MYO1D: variants seen among roughly 807,000 people sequenced by gnomAD.
MYO1D encodes the protein myosin ID.
Under a neutral mutation model 122.0 loss-of-function variants are expected in MYO1D, and 83 were observed. The ratio of observed to expected loss-of-function variants is 0.68; its 90% CI spans 0.57 to 0.82. The LOEUF is 0.82. Among genes scored for constraint, MYO1D ranks in the 40% least tolerant of loss-of-function variants. The pLI, the probability that MYO1D is intolerant of heterozygous loss-of-function variation, is 0.00. For synonymous variants in MYO1D, 464 were observed against 446.9 expected (o/e 1.04, Z -0.48); for missense variants, 1,157 against 1,269.5 (o/e 0.91, Z 1.35).
At chr17:32,741,382 C>CA (rs920766155) in intron 13 of MYO1D, among the ~76,000 whole-genome samples, 2,484 of 137,688 alleles carry the variant, frequency 0.018, 47 homozygotes, top group African/African-American at 0.054. Flanking sequence ...TGGTTTTATC[C>CA]AAAAAAAAAA....
intron 3 of MYO1D, among the ~76,000 whole-genome samples, chr17:32,776,831 A>T (rs2151026522): frequency 6.6e-6 from 1 of 152,302 alleles, no homozygotes; most frequent in African/African-American, 2.4e-5. Flanking sequence ...CTCCCAATGG[A>T]TACATTTTAA....
intron 21 of MYO1D, among the ~76,000 whole-genome samples, chr17:32,504,351 C>T (rs916515645): frequency 2.0e-5 from 3 of 152,234 alleles, no homozygotes; most frequent in African/African-American, 4.8e-5. Context: ...TCCCTGCCCA[C>T]GTTCTCTTTG....
chr17:32,865,849 G>C (rs1436745042), intron 1 of MYO1D, among the ~76,000 whole-genome samples: 1 of 152,174 alleles, frequency 6.6e-6, no homozygotes. Context: ...AAAATATCAA[G>C]AGGAACTAGC....
intron 20 of MYO1D, among the ~76,000 whole-genome samples, chr17:32,621,283 T>C (rs937434427): frequency 6.6e-6 from 1 of 152,108 alleles, no homozygotes; most frequent in African/African-American, 2.4e-5. Flanking sequence ...AACGTTTCCT[T>C]GTCCTGAAAA....
chr17:32,668,178 C>T (rs2088662245), intron 16 of MYO1D, among the ~76,000 whole-genome samples: 1 of 152,196 alleles, frequency 6.6e-6, no homozygotes, highest in South Asian at 2.1e-4. Context: ...TCAAGACTAT[C>T]TAAACTGCAT....
intron 16 of MYO1D, among the ~76,000 whole-genome samples, chr17:32,669,297 G>C (rs1200810888): frequency 6.6e-6 from 1 of 152,158 alleles, no homozygotes; most frequent in Non-Finnish European, 1.5e-5. Flanking sequence ...CAGAGAGGAA[G>C]AGTCCACATC....
chr17:32,720,834 G>C (rs1251959008), intron 15 of MYO1D, among the ~76,000 whole-genome samples, 189 bp downstream of exon 15: 1 of 152,094 alleles, frequency 6.6e-6, no homozygotes, highest in African/African-American at 2.4e-5. Context: ...ACTTTTTCAT[G>C]GTCCATAAAC....
intron 19 of MYO1D, among the ~76,000 whole-genome samples, chr17:32,643,244 G>C (rs903806677): frequency 1.3e-5 from 2 of 152,266 alleles, no homozygotes; most frequent in African/African-American, 4.8e-5. Context: ...TGCATATGTT[G>C]AACCAGTCTT....
At chr17:32,521,060 G>A (rs1276034782) in intron 21 of MYO1D, among the ~76,000 whole-genome samples, 1 of 152,176 alleles carries the variant, frequency 6.6e-6, no homozygotes, top group Admixed American at 6.5e-5. Context: ...CAAAAGATCA[G>A]ACCTCAGTTT....
Position 32,877,055 on chromosome 17 carries a change from G to C in MYO1D, c.-183C>G. 4.2e-6 allele frequency: 1 copy of C among 235,600 alleles called. No individual in the cohort carries two copies. The highest frequency in any genetic ancestry group is 8.1e-6 in the Non-Finnish European group (1 of 124,072). 14.6% of individuals were successfully genotyped at this position (235,600 alleles called of 1,614,324 possible). A position where few individuals can be genotyped will look rare whatever the true frequency, so the allele number is the denominator to read the frequency against. ...CCTCGCTGCTCCTCGGCGCCTTCTC[G>C]GCCGGCGCGGCTCCGAACGGGACGC... On this transcript the variant is annotated 5_prime_UTR_variant, in exon 1 of 22. Transcript: ENST00000318217.
chr17:32,578,053 CAA>C (rs1026637778), intron 21 of MYO1D, among the ~76,000 whole-genome samples: 21 of 152,274 alleles, frequency 1.4e-4, no homozygotes, highest in Non-Finnish European at 1.5e-4. Context: ...AAACATATTT[CAA>C]AGAGACCTTA....
chr17:32,691,716 T>G (rs1218870644), intron 16 of MYO1D, among the ~76,000 whole-genome samples: 9 of 152,164 alleles, frequency 5.9e-5, no homozygotes, highest in Non-Finnish European at 4.4e-5. Context: ...ACAAAAAAAT[T>G]TCTTACAACT....
chr17:32,645,467 A>T (rs1440436389), intron 19 of MYO1D, among the ~76,000 whole-genome samples: 1 of 152,078 alleles, frequency 6.6e-6, no homozygotes, highest in Non-Finnish European at 1.5e-5. Flanking sequence ...TAGGTTGGGG[A>T]AGTTCTCCTG....
chr17:32,868,493 C>CA (rs1349408666), intron 1 of MYO1D, among the ~76,000 whole-genome samples: 2 of 151,858 alleles, frequency 1.3e-5, no homozygotes, highest in Non-Finnish European at 2.9e-5. Flanking sequence ...CCTTGCCCCC[C>CA]AAACAAAATC....
At chr17:32,605,624 T>G (rs192997433) in intron 20 of MYO1D, among the ~76,000 whole-genome samples, 71 of 152,114 alleles carry the variant, frequency 4.7e-4, no homozygotes, top group African/African-American at 1.6e-3. Context: ...ATCAATAAAA[T>G]TGATAAACCT....
At chr17:32,825,289 CTT>C (rs2151061103) in intron 1 of MYO1D, among the ~76,000 whole-genome samples, 1 of 151,666 alleles carries the variant, frequency 6.6e-6, no homozygotes, top group South Asian at 2.1e-4. Flanking sequence ...TTTTCTTTAT[CTT>C]ATTTTATTTT....
intron 21 of MYO1D, among the ~76,000 whole-genome samples, chr17:32,603,056 G>GA (rs896464360): frequency 1.1e-4 from 15 of 141,784 alleles, no homozygotes; most frequent in Admixed American, 9.6e-4. Context: ...TCATAAGATA[G>GA]AAACACCAAG....
intron 20 of MYO1D, among the ~76,000 whole-genome samples, chr17:32,636,670 G>T (rs1341285530): frequency 6.6e-6 from 1 of 152,208 alleles, no homozygotes; most frequent in African/African-American, 2.4e-5. Flanking sequence ...ACCACTGTGG[G>T]CAAGTTTACT....
chr17:32,802,948 C>T (rs1396801819), intron 1 of MYO1D, among the ~76,000 whole-genome samples: 3 of 152,112 alleles, frequency 2.0e-5, no homozygotes, highest in Non-Finnish European at 4.4e-5. Context: ...CCAAATCGCA[C>T]TATTACACAC....
Sources: gnomAD v4.1 joint callset for allele counts (sites outside exome capture counted in the v4.1 genomes callset) on GRCh38, gnomAD v4.1.1 for gene constraint, MANE v1.5 for transcripts, NCBI Gene and HGNC (gene_info 2026-07-23, HGNC 2026-07-21) for gene names.